Variants in H1-8 observed in about 807,000 individuals in gnomAD.
H1-8 encodes the protein histone H1.8.
Under a neutral mutation model 19.5 loss-of-function variants are expected in H1-8, and 13 were observed. That is an observed-to-expected ratio of 0.67 (90% confidence interval 0.43 to 1.06). The LOEUF is 1.06. H1-8 is among the 50% of genes least tolerant of loss of function. The pLI, the probability that H1-8 is intolerant of heterozygous loss-of-function variation, is 0.00. For missense variants in H1-8, 432 were observed against 459.8 expected (o/e 0.94, Z 0.55); for synonymous variants, 193 against 187.6 (o/e 1.03, Z -0.24).
At chr3:129,549,478 G>A in intron 3 of H1-8, 114 bp downstream of exon 3, 1 of 1,259,430 alleles carries the variant, frequency 7.9e-7, no homozygotes, top group Non-Finnish European at 1.1e-6. Context: ...CATGTGTCCT[G>A]AGTGCTGGGC....
intron 3 of H1-8, among the ~76,000 whole-genome samples, chr3:129,549,872 T>C (rs2084921204): frequency 6.6e-6 from 1 of 152,084 alleles, no homozygotes. Context: ...GAAAATCACT[T>C]GAACCCAGGA....
At position 129,547,383 on chromosome 3, in the gene H1-8, C is replaced by G; in HGVS notation, c.89-8C>G. The G allele has an allele frequency of 1.3e-6, 2 of 1,482,068 alleles. No homozygotes were observed. Among genetic ancestry groups the G allele is most frequent in the Non-Finnish European group, 1.8e-6 (2 of 1,120,220 alleles). 91.8% of individuals were successfully genotyped at this position (1,482,068 alleles called of 1,614,324 possible). ...GGCCCCGGGTGATGGCCTGCCATCT[C>G]TCCTCAGGCCCGAGCCACGGCGGTG... On this transcript the variant is annotated splice_polypyrimidine_tract_variant and splice_region_variant and intron_variant, in intron 1 of 4. Transcript: ENST00000324382.
intron 2 of H1-8, chr3:129,548,586 G>A (rs1162905404): frequency 2.4e-6 from 2 of 819,920 alleles, no homozygotes; most frequent in Non-Finnish European, 3.0e-6. Flanking sequence ...TGATTGTCCT[G>A]CTGTAAAGAT....
intron 1 of H1-8, among the ~76,000 whole-genome samples, chr3:129,545,062 A>ATTT (rs746799373): frequency 1.4e-5 from 2 of 138,862 alleles, no homozygotes; most frequent in Admixed American, 7.3e-5. Flanking sequence ...AATATAGCCA[A>ATTT]TTTTTTTTTT....
At chr3:129,546,150 A>T (rs1052205638) in intron 1 of H1-8, among the ~76,000 whole-genome samples, 1 of 147,938 alleles carries the variant, frequency 6.8e-6, no homozygotes, top group Admixed American at 6.8e-5. Context: ...TAATAATAAT[A>T]ATAATAATGA....
In H1-8 at chr3:129,550,261, G is replaced by A. The variant is rs567004517; in HGVS notation, c.743-484G>A. On this transcript the variant is annotated intron_variant, in intron 3 of 4. Coordinates refer to ENST00000324382, the MANE Select transcript of H1-8 (RefSeq NM_153833.3). ...CTGCAAAAAATAAAAATATTAGCTG[G>A]CATGGTGTTGCATACCTGTTGCCCC... Among the ~76,000 whole-genome samples, 167 of 152,256 alleles carry A rather than the reference G, an allele frequency of 1.1e-3. 1 individual carries two copies. The highest frequency in any genetic ancestry group is 2.2e-3 in the Non-Finnish European group (147 of 68,024).
At chr3:129,550,975 G>T in intron 4 of H1-8, 132 bp from the exon 5 acceptor site, 1 of 966,584 alleles carries the variant, frequency 1.0e-6, no homozygotes. Context: ...GCACCCTGGG[G>T]GTGTTGCCAT....
Position 129,547,406 on chromosome 3 carries a change from G to A in H1-8, c.104G>A (p.Gly35Asp). Residue 35 changes from glycine to aspartate, a missense_variant, in exon 2 of 5, where the codon GGT (glycine) becomes GAT (aspartate). Physicochemically the swap from Gly to Asp is moderately conservative, Grantham distance 94. Transcript: ENST00000324382. ...CTCTCCTCAGGCCCGAGCCACGGCG[G>A]TGTCCCACCAGGAGGCCCGAGCCAC... is the stretch of plus-strand genomic sequence containing the variant. ...ESEKPGPSHG[G>D]VPPGGPSHSS... is the part of the protein sequence containing the mutation. 2.0e-6 allele frequency: 3 copies of A among 1,508,904 alleles called. No homozygotes were observed. Among genetic ancestry groups the A allele is most frequent in the Non-Finnish European group, 2.6e-6 (3 of 1,132,684 alleles). The allele number at this position is 1,508,904 out of a possible 1,614,324, so 93.5% of individuals were successfully genotyped here. A position where few individuals can be genotyped will look rare whatever the true frequency, so the allele number is the denominator to read the frequency against.
chr3:129,545,356 C>G (rs2084880020), intron 1 of H1-8, among the ~76,000 whole-genome samples: 1 of 152,108 alleles, frequency 6.6e-6, no homozygotes, highest in African/African-American at 2.4e-5. Flanking sequence ...TATTTAAATC[C>G]CTTTTATGCA....
Position 129,551,132 on chromosome 3 carries a change from C to A in H1-8, c.833C>A (p.Thr278Asn). ...GTCAAGAATGGTGCTGCTTCCCCGA[C>A]CAAAAAGAAGGTGGTGGCCAAGGCC... is the stretch of plus-strand genomic sequence containing the variant. The part of the protein sequence containing the change: ...SKVKNGAASP[T>N]KKKVVAKAKA... The change falls in exon 5 of 5, where the codon ACC (threonine) becomes AAC (asparagine). Residue 278 changes from threonine to asparagine, a missense_variant. Physicochemically the swap from Thr to Asn is moderately conservative, Grantham distance 65. Coordinates refer to ENST00000324382, the MANE Select transcript of H1-8 (RefSeq NM_153833.3). The A allele has an allele frequency of 1.2e-6, 2 of 1,613,958 alleles. No homozygotes were observed. Among genetic ancestry groups the A allele is most frequent in the Non-Finnish European group, 1.7e-6 (2 of 1,179,982 alleles).
chr3:129,545,968 G>T (rs1480233083), intron 1 of H1-8, among the ~76,000 whole-genome samples: 1 of 151,902 alleles, frequency 6.6e-6, no homozygotes, highest in Non-Finnish European at 1.5e-5. Context: ...GAATTTTTTG[G>T]TAACTTTTTA....
At chr3:129,543,520 C>G (rs186681768) in intron 1 of H1-8, among the ~76,000 whole-genome samples, 261 of 152,260 alleles carry the variant, frequency 1.7e-3, no homozygotes, top group Admixed American at 6.5e-3. Flanking sequence ...CTACAGGTAG[C>G]AAGGCCAGGT....
rs541199357 is a variant in H1-8, at chr3:129,547,576, C to G, written c.274C>G (p.Arg92Gly). 6.4e-7 allele frequency: 1 copy of G among 1,565,730 alleles called. No individual in the cohort carries two copies. The highest frequency in any genetic ancestry group is 1.9e-5 in the Admixed American group (1 of 53,566). Residue 92 changes from arginine (R) to glycine (G), a missense_variant, in exon 2 of 5, where the codon CGC (arginine) becomes GGC (glycine). Coordinates refer to ENST00000324382, the MANE Select transcript of H1-8 (RefSeq NM_153833.3). Reference sequence around the variant, plus strand: ...CAAGTACCCAACAGTGGACGTCCTCCGCTTCAAGTACCTGCTGAAGCAGGC... The same window carrying G: ...CAAGTACCCAACAGTGGACGTCCTCGGCTTCAAGTACCTGCTGAAGCAGGC... ...LHKYPTVDVL[R>G]FKYLLKQALA...
intron 3 of H1-8, among the ~76,000 whole-genome samples, chr3:129,550,473 C>T (rs79358846): frequency 0.014 from 2,061 of 152,254 alleles, 52 homozygotes; most frequent in African/African-American, 0.045. Context: ...GCCCGTTAGA[C>T]GTTGGCTTTG....
rs1229822605 is a variant in H1-8, at chr3:129,551,343, C to G, written c.*3C>G. The G allele has an allele frequency of 6.2e-7, 1 of 1,602,640 alleles. No homozygotes were observed. The highest frequency in any genetic ancestry group is 1.7e-5 in the Admixed American group (1 of 59,518). On this transcript the variant is annotated 3_prime_UTR_variant, in exon 5 of 5. Transcript: ENST00000324382. Reference sequence around the variant, plus strand: ...CCAGCCAGAGGGCTGAAGCTTAGGGCCAGAGGCAGGGGCGGAGAGAGACCG... The same window carrying G: ...CCAGCCAGAGGGCTGAAGCTTAGGGGCAGAGGCAGGGGCGGAGAGAGACCG...
At chr3:129,550,992 C>T in intron 4 of H1-8, 115 bp from the exon 5 acceptor site, 2 of 1,043,032 alleles carry the variant, frequency 1.9e-6, no homozygotes, top group South Asian at 3.1e-5. Context: ...CCATCCCCAT[C>T]TTACAGATAA....
At chr3:129,544,266 G>T (rs2084872110) in intron 1 of H1-8, among the ~76,000 whole-genome samples, 1 of 152,126 alleles carries the variant, frequency 6.6e-6, no homozygotes, top group South Asian at 2.1e-4. Context: ...CTCCAAGGCG[G>T]TCTTCAGTTA....
intron 1 of H1-8, 42 bp from the exon 2 acceptor site, chr3:129,547,349 T>TTG: frequency 6.8e-7 from 1 of 1,460,326 alleles, no homozygotes; most frequent in East Asian, 2.5e-5. Flanking sequence ...TGCCACTGAG[T>TTG]TGTGACTGGG....
Position 129,547,293 on chromosome 3 carries a change from G to C in H1-8, c.89-98G>C, listed in dbSNP as rs2084895746. 3.9e-6 allele frequency: 5 copies of C among 1,284,046 alleles called. No homozygotes were observed. In the African/African-American group the frequency reaches 7.5e-5, roughly 19 times the overall value. The allele number at this position is 1,284,046 out of a possible 1,614,324, so 79.5% of individuals were successfully genotyped here. On this transcript the variant is annotated intron_variant, in intron 1 of 4. Transcript: ENST00000324382. ...GTGTCTTGGGGAGAGGGGGGCATCT[G>C]ATCCTTGCTGGACCCTCACCCACCC...
Sources: gnomAD v4.1 joint callset for allele counts (sites outside exome capture counted in the v4.1 genomes callset) on GRCh38, gnomAD v4.1.1 for gene constraint, MANE v1.5 for transcripts, NCBI Gene and HGNC (gene_info 2026-07-23, HGNC 2026-07-21) for gene names.